The following AXIN1 variants were observed in gnomAD, a reference collection of about 807,000 sequenced individuals.
AXIN1 encodes the protein axin 1.
A neutral mutation model predicts 76.4 loss-of-function variants in AXIN1; 30 were observed. That is an observed-to-expected ratio of 0.39 (90% CI 0.29 to 0.53). AXIN1 has a LOEUF of 0.53. Among genes scored for constraint, AXIN1 ranks in the 20% least tolerant of loss-of-function variants. The pLI, the probability that AXIN1 is intolerant of heterozygous loss-of-function variation, is 0.66. For missense variants in AXIN1, 1,140 were observed against 1,198.8 expected (o/e 0.95, Z 0.72); for synonymous variants, 545 against 501.4 (o/e 1.09, Z -1.16).
intron 2 of AXIN1, among the ~76,000 whole-genome samples, chr16:317,195 T>C (rs1252187569): frequency 3.3e-5 from 5 of 152,200 alleles, no homozygotes; most frequent in African/African-American, 4.8e-5. Context: ...GCCCAGCACC[T>C]TGGACTCTGG....
chr16:313,013 A>G (rs2053218003), intron 3 of AXIN1, among the ~76,000 whole-genome samples: 1 of 152,066 alleles, frequency 6.6e-6, no homozygotes, highest in Non-Finnish European at 1.5e-5. Context: ...CGTCTCCACA[A>G]AAATAATCAT....
chr16:344,708 C>T (rs1025805047), intron 2 of AXIN1, among the ~76,000 whole-genome samples: 3 of 152,050 alleles, frequency 2.0e-5, no homozygotes, highest in Non-Finnish European at 2.9e-5. Context: ...AGGATGGTCT[C>T]GAACTCCCGA....
intron 4 of AXIN1, among the ~76,000 whole-genome samples, chr16:307,058 C>T (rs1293885765): frequency 6.6e-6 from 1 of 152,222 alleles, no homozygotes; most frequent in African/African-American, 2.4e-5. Flanking sequence ...GGGAGTGGCA[C>T]ACACAGGAAT....
intron 5 of AXIN1, among the ~76,000 whole-genome samples, chr16:300,356 TTTTTTC>T (rs2052837405): frequency 6.7e-6 from 1 of 150,036 alleles, no homozygotes; most frequent in African/African-American, 2.5e-5. Context: ...GTCCCATTAA[TTTTTTC>T]TTTTTCTTTT....
chr16:304,545 A>AT (rs1452910367), intron 4 of AXIN1, 104 bp from the exon 5 acceptor site: 4 of 1,535,758 alleles, frequency 2.6e-6, no homozygotes, highest in South Asian at 2.3e-5. Context: ...ATTTTATTTT[A>AT]TTTTTTTGAG....
Position 304,275 on chromosome 16 carries a change from G to A in AXIN1, c.1254+29C>T, listed in dbSNP as rs113207273. The A allele has an allele frequency of 1.5e-4, 242 of 1,603,684 alleles. 3 individuals carry two copies. Among genetic ancestry groups the A allele is most frequent in the South Asian group, 1.2e-3 (111 of 90,914 alleles). On this transcript the variant is annotated intron_variant, in intron 5 of 10. Transcript: ENST00000262320. The stretch of plus-strand genomic sequence containing the variant: ...CAAGAAAACAGCACGACACCGACGC[G>A]GAGCGCGACACCGACGCGGCCCACT...
chr16:319,041 T>C (rs2053378490), intron 2 of AXIN1, among the ~76,000 whole-genome samples: 3 of 152,062 alleles, frequency 2.0e-5, no homozygotes, highest in Admixed American at 2.0e-4. Context: ...CCCACGCTGA[T>C]GACCTCAAAC....
intron 2 of AXIN1, among the ~76,000 whole-genome samples, chr16:333,208 T>C (rs552442000): frequency 2.2e-4 from 33 of 151,984 alleles, no homozygotes; most frequent in Non-Finnish European, 4.9e-4. Flanking sequence ...GGCGCATGCC[T>C]GTAATCCCAG....
chr16:328,117 C>T (rs189349434), intron 2 of AXIN1, among the ~76,000 whole-genome samples: 1 of 152,066 alleles, frequency 6.6e-6, no homozygotes, highest in Non-Finnish European at 1.5e-5. Context: ...AAGGGCTGGG[C>T]GGGGTAGCTC....
At chr16:308,248 C>G (rs1043629189) in intron 4 of AXIN1, among the ~76,000 whole-genome samples, 4 of 152,150 alleles carry the variant, frequency 2.6e-5, no homozygotes, top group African/African-American at 9.7e-5. Context: ...AAGGTTCTGA[C>G]GACGACACCA....
At chr16:332,656 T>A (rs1171668248) in intron 2 of AXIN1, among the ~76,000 whole-genome samples, 1 of 123,034 alleles carries the variant, frequency 8.1e-6, no homozygotes, top group Admixed American at 8.3e-5. Context: ...ACAATGTTGA[T>A]CTAAACCAAA....
At chr16:307,597 C>T (rs775846991) in intron 4 of AXIN1, among the ~76,000 whole-genome samples, 9 of 152,160 alleles carry the variant, frequency 5.9e-5, no homozygotes, top group East Asian at 1.9e-4. Flanking sequence ...TGAACCTGCT[C>T]CAACTCTGAT....
chr16:309,615 A>G (rs1357575503), intron 4 of AXIN1, among the ~76,000 whole-genome samples: 1 of 152,244 alleles, frequency 6.6e-6, no homozygotes, highest in African/African-American at 2.4e-5. Context: ...AGGGCTGTGC[A>G]GGGGCCAGGC....
chr16:301,488 C>T (rs2052871582), intron 5 of AXIN1, among the ~76,000 whole-genome samples: 2 of 151,928 alleles, frequency 1.3e-5, no homozygotes, highest in South Asian at 2.1e-4. Flanking sequence ...GCTACGCCTG[C>T]CTTTAACATG....
In AXIN1 at chr16:293,801, G is replaced by A. The variant is rs1168696534; in HGVS notation, c.1956-83C>T. The A allele has an allele frequency of 2.9e-6, 4 of 1,380,668 alleles. No homozygotes were observed. The highest frequency in any genetic ancestry group is 4.6e-5 in the East Asian group (2 of 43,810). 85.5% of individuals were successfully genotyped at this position (1,380,668 alleles called of 1,614,324 possible). A position where few individuals can be genotyped will look rare whatever the true frequency, so the allele number is the denominator to read the frequency against. On this transcript the variant is annotated intron_variant, in intron 7 of 10. Coordinates refer to ENST00000262320, the MANE Select transcript of AXIN1 (RefSeq NM_003502.4). This position sits in a 1 kb window ranked among gnomAD's most constrained non-coding sequence, Gnocchi z 4.6. Reference sequence around the variant, plus strand: ...GTGGGGCTACACTCATCTCACAAGGGCAGCCTCCTTGAGGGATAGGATGGG... The same window carrying A: ...GTGGGGCTACACTCATCTCACAAGGACAGCCTCCTTGAGGGATAGGATGGG...
At chr16:328,413 C>T (rs932776144) in intron 2 of AXIN1, among the ~76,000 whole-genome samples, 2 of 151,848 alleles carry the variant, frequency 1.3e-5, no homozygotes. Context: ...AATAATAATA[C>T]AGCCAGGTGC....
chr16:333,590 G>A (rs1020992135), intron 2 of AXIN1, among the ~76,000 whole-genome samples: 4 of 152,014 alleles, frequency 2.6e-5, no homozygotes, highest in Non-Finnish European at 5.9e-5. Flanking sequence ...TGTCTGGAGG[G>A]AAGAAAAAAA....
chr16:329,327 G>A (rs961710842), intron 2 of AXIN1, among the ~76,000 whole-genome samples: 1 of 149,242 alleles, frequency 6.7e-6, no homozygotes, highest in Non-Finnish European at 1.5e-5. Context: ...TGGGTAACAT[G>A]AATTAGGATC....
Position 352,430 on chromosome 16 carries a change from C to T in AXIN1, c.-143G>A. The T allele has an allele frequency of 1.0e-6, 1 of 975,330 alleles. No individual in the cohort carries two copies. Among genetic ancestry groups the T allele is most frequent in the African/African-American group, 1.8e-5 (1 of 56,580 alleles). 60.4% of individuals were successfully genotyped at this position (975,330 alleles called of 1,614,324 possible). ...CCGGAGCGGCGCGGCGCGGTCCGGG[C>T]CCATGCGCTCAGCGGCAGCGCGGCG... On this transcript the variant is annotated 5_prime_UTR_variant, in exon 1 of 11. Coordinates refer to ENST00000262320, the MANE Select transcript of AXIN1 (RefSeq NM_003502.4).
Sources: gnomAD v4.1 joint callset for allele counts (sites outside exome capture counted in the v4.1 genomes callset) on GRCh38, gnomAD v4.1.1 for gene constraint, Gnocchi (gnomAD v3.1) non-coding constraint, MANE v1.5 for transcripts, NCBI Gene and HGNC (gene_info 2026-07-23, HGNC 2026-07-21) for gene names.